Variants in PARP1 observed in about 807,000 individuals in gnomAD.
PARP1 encodes poly(ADP-ribose) polymerase 1.
PARP1 carries 44 observed loss-of-function variants against 118.7 expected under a neutral mutation model. That is an observed-to-expected ratio of 0.37 (90% confidence interval 0.29 to 0.48). The LOEUF (loss-of-function observed/expected upper bound fraction) is 0.48. Ranked by LOEUF, PARP1 falls within the 20% of genes least tolerant of loss-of-function variation. The probability of loss-of-function intolerance (pLI) is 0.99; values close to 1 mark genes in which losing one functional copy is unlikely to be tolerated. For synonymous variants in PARP1, 492 were observed against 483.2 expected (o/e 1.02, Z -0.24); for missense variants, 1,100 against 1,272.4 (o/e 0.86, Z 2.06).
Position 226,392,247 on chromosome 1 carries a change from G to A in PARP1, c.354C>T (p.Ala118=), listed in dbSNP as rs1328326062. The change falls in exon 3 of 23, where the codon GCC becomes GCT. Residue 118 remains alanine (A), a synonymous_variant. Coordinates refer to ENST00000366794, the MANE Select transcript of PARP1 (RefSeq NM_001618.4). ...KTLGDFAAEY[A]KSNRSTCKGC... The stretch of plus-strand genomic sequence containing the variant: ...CCTTGCACGTACTTCTGTTGGACTT[G>A]GCATACTCTGCTGCAAAGTCACCCA... 20 of 1,613,772 alleles carry A rather than the reference G, an allele frequency of 1.2e-5. No individual in the cohort carries two copies. The highest frequency in any genetic ancestry group is 1.7e-5 in the Non-Finnish European group (20 of 1,179,886).
In PARP1 at chr1:226,380,025, A is replaced by G. The variant is rs1452656678; in HGVS notation, c.1440T>C (p.Pro480=). 1.2e-6 allele frequency: 2 copies of G among 1,614,008 alleles called. No individual in the cohort carries two copies. Among genetic ancestry groups the G allele is most frequent in the African/African-American group, 1.3e-5 (1 of 74,902 alleles). The change falls in exon 10 of 23, where the codon CCT becomes CCC. Residue 480 remains proline (P), a synonymous_variant. Coordinates refer to ENST00000366794, the MANE Select transcript of PARP1 (RefSeq NM_001618.4). ...QELFLAHILS[P]WGAEVKAEPV... is the part of the protein sequence containing the mutation. ...GCTCTGCCTTCACCTCTGCCCCCCA[A>G]GGGGACAAGATGTGCGCTAAGAACA...
chr1:226,378,574 G>A (rs1018275499), intron 12 of PARP1, among the ~76,000 whole-genome samples: 1 of 152,216 alleles, frequency 6.6e-6, no homozygotes, highest in Non-Finnish European at 1.5e-5. Flanking sequence ...GGGGCTGGGT[G>A]CAGAGGCTCA....
chr1:226,370,569 C>G, intron 14 of PARP1, 52 bp from the exon 15 acceptor site: 2 of 1,438,974 alleles, frequency 1.4e-6, no homozygotes, highest in Non-Finnish European at 2.0e-6. Flanking sequence ...GCAGTGTGAT[C>G]GCAGGAGAGC....
chr1:226,363,475 A>T (rs977054585), intron 20 of PARP1, among the ~76,000 whole-genome samples: 1 of 152,184 alleles, frequency 6.6e-6, no homozygotes, highest in African/African-American at 2.4e-5. Flanking sequence ...CTGGCCTTTT[A>T]CATGACCTTG....
chr1:226,397,447 G>T (rs1482850997), intron 2 of PARP1, among the ~76,000 whole-genome samples: 1 of 123,418 alleles, frequency 8.1e-6, no homozygotes, highest in Non-Finnish European at 1.6e-5. Flanking sequence ...ACCAACAGCT[G>T]CAAGGACCAG....
chr1:226,397,153 T>TAAA (rs3046773), intron 2 of PARP1, among the ~76,000 whole-genome samples: 89 of 126,140 alleles, frequency 7.1e-4, no homozygotes, highest in African/African-American at 2.4e-3. Context: ...GTCTCTATCT[T>TAAA]AAAAAAAAAA....
intron 21 of PARP1, among the ~76,000 whole-genome samples, chr1:226,362,503 C>T (rs1482143414): frequency 1.3e-5 from 2 of 152,168 alleles, no homozygotes; most frequent in African/African-American, 4.8e-5. Context: ...AGGCAATAAA[C>T]CAAAGTTCCC....
chr1:226,379,724 C>T, intron 10 of PARP1, 83 bp from the exon 11 acceptor site: 2 of 1,338,900 alleles, frequency 1.5e-6, no homozygotes, highest in South Asian at 1.2e-5. Context: ...ATGAGTTGTT[C>T]TCATTCCCAT....
chr1:226,403,489 G>A (rs1470354951), intron 1 of PARP1, among the ~76,000 whole-genome samples: 2 of 152,248 alleles, frequency 1.3e-5, no homozygotes, highest in Non-Finnish European at 2.9e-5. Context: ...TGGCTTTACA[G>A]AGTGGACGGT....
chr1:226,393,181 C>CT (rs1355490897), intron 2 of PARP1, among the ~76,000 whole-genome samples: 3 of 152,106 alleles, frequency 2.0e-5, no homozygotes, highest in Non-Finnish European at 2.9e-5. Flanking sequence ...ACAAAAATGT[C>CT]TAATACTAGC....
intron 22 of PARP1, 156 bp downstream of exon 22, chr1:226,361,813 A>G (rs1158307503): frequency 1.4e-6 from 1 of 699,560 alleles, no homozygotes; most frequent in Non-Finnish European, 2.6e-6. Flanking sequence ...CAGGCTATGC[A>G]CAGGGAGGGA....
chr1:226,384,838 C>T (rs893095199), intron 7 of PARP1, among the ~76,000 whole-genome samples: 14 of 152,124 alleles, frequency 9.2e-5, no homozygotes, highest in Non-Finnish European at 7.4e-5. Flanking sequence ...TACTGTGTGC[C>T]GCTGTTCCAA....
intron 15 of PARP1, among the ~76,000 whole-genome samples, chr1:226,369,509 CAT>C (rs1234663230): frequency 6.6e-6 from 1 of 152,144 alleles, no homozygotes; most frequent in African/African-American, 2.4e-5. Context: ...CTTAAGGACA[CAT>C]AAAATAAAAA....
intron 2 of PARP1, chr1:226,393,091 T>A (rs866542134): frequency 2.9e-6 from 3 of 1,021,830 alleles, no homozygotes; most frequent in South Asian, 2.5e-5. Context: ...CTAAGAGATA[T>A]CTTAAGAAAT....
intron 14 of PARP1, among the ~76,000 whole-genome samples, chr1:226,372,871 C>T (rs1034198216): frequency 9.2e-5 from 14 of 152,156 alleles, no homozygotes; most frequent in African/African-American, 3.1e-4. Flanking sequence ...CACCTCTCAA[C>T]CTTTCCCTCC....
At chr1:226,400,441 T>C (rs773390070) in intron 2 of PARP1, among the ~76,000 whole-genome samples, 3 of 152,162 alleles carry the variant, frequency 2.0e-5, no homozygotes, top group Non-Finnish European at 4.4e-5. Flanking sequence ...AGTAAACATT[T>C]AGATGTTAAA....
intron 1 of PARP1, 108 bp downstream of exon 1, chr1:226,407,702 A>C (rs1576406174): frequency 4.1e-6 from 4 of 967,888 alleles, no homozygotes; most frequent in Non-Finnish European, 4.1e-6. Flanking sequence ...TGCCGCTCCG[A>C]GGGCCCGGGC....
chr1:226,404,151 C>T (rs190364537), intron 1 of PARP1, among the ~76,000 whole-genome samples: 1 of 114,298 alleles, frequency 8.7e-6, no homozygotes, highest in Non-Finnish European at 1.8e-5. Flanking sequence ...TCATAAGGGC[C>T]TATCTTGCTA....
intron 4 of PARP1, 126 bp downstream of exon 4, chr1:226,390,284 C>T: frequency 4.7e-6 from 4 of 851,698 alleles, no homozygotes; most frequent in Non-Finnish European, 7.9e-6. Flanking sequence ...CCTCAGTTTG[C>T]ATCTCCCTGG....
Sources: allele counts gnomAD v4.1 joint callset (sites outside exome capture counted in the v4.1 genomes callset), GRCh38; gene constraint gnomAD v4.1.1; transcripts MANE v1.5; gene names NCBI Gene and HGNC (gene_info 2026-07-23, HGNC 2026-07-21).